NRG3: variants seen among roughly 807,000 people sequenced by gnomAD.
NRG3 encodes the protein neuregulin 3.
NRG3 carries 31 observed loss-of-function variants against 66.9 expected under a neutral mutation model. The observed-to-expected ratio is 0.46, with a 90% CI of 0.35 to 0.63. The LOEUF is 0.63. Among genes scored for constraint, NRG3 ranks in the 20% least tolerant of loss-of-function variants. The probability of loss-of-function intolerance (pLI) is 0.00; values close to 1 mark genes in which losing one functional copy is unlikely to be tolerated. For missense variants in NRG3, 910 were observed against 878.9 expected (o/e 1.04, Z -0.45); for synonymous variants, 393 against 359.4 (o/e 1.09, Z -1.06).
chr10:82,588,557 C>G (rs571535296), intron 2 of NRG3, among the ~76,000 whole-genome samples: 1 of 151,950 alleles, frequency 6.6e-6, no homozygotes. Flanking sequence ...GGCTGGAGTG[C>G]AGTGGGACAA....
At chr10:82,570,033 T>A (rs2133104033) in intron 2 of NRG3, among the ~76,000 whole-genome samples, 1 of 151,774 alleles carries the variant, frequency 6.6e-6, no homozygotes, top group African/African-American at 2.4e-5. Context: ...ATGCCAAAAG[T>A]ACTGACATGC....
intron 2 of NRG3, among the ~76,000 whole-genome samples, chr10:82,545,634 G>A (rs1590605275): frequency 2.0e-5 from 3 of 151,842 alleles, no homozygotes; most frequent in Non-Finnish European, 2.9e-5. Context: ...GCCCGCCTCG[G>A]CCTCCCAAAG....
intron 1 of NRG3, chr10:82,340,901 T>C (rs11193827): frequency 6.6e-6 from 1 of 151,666 alleles, no homozygotes; most frequent in Non-Finnish European, 1.5e-5. Flanking sequence ...CAAAAAAAAA[T>C]TAGAAAATGT....
chr10:82,263,808 A>G (rs949497724), intron 1 of NRG3, among the ~76,000 whole-genome samples: 4 of 152,196 alleles, frequency 2.6e-5, no homozygotes, highest in Non-Finnish European at 5.9e-5. Flanking sequence ...TACAGATAAC[A>G]CCAAAATTTT....
intron 4 of NRG3, among the ~76,000 whole-genome samples, chr10:82,917,992 ATGTATGTATGTATCTCTCTC>A (rs1564629570): frequency 4.8e-5 from 5 of 103,782 alleles, no homozygotes; most frequent in East Asian, 4.4e-4. Flanking sequence ...ATATATATAT[ATGTATGTATGTATCTCTCTC>A]TATATATATA....
chr10:82,776,855 C>T (rs2132376), intron 3 of NRG3, among the ~76,000 whole-genome samples: 67,119 of 151,684 alleles, frequency 0.44, 16,299 homozygotes, highest in African/African-American at 0.65. Context: ...CTATCTGTAT[C>T]CTCTTGTATA....
chr10:82,198,869 CAT>C (rs2074598710), intron 1 of NRG3, among the ~76,000 whole-genome samples: 6 of 151,708 alleles, frequency 4.0e-5, no homozygotes, highest in Non-Finnish European at 8.8e-5. Flanking sequence ...TGGTGGCACA[CAT>C]CTGTAATCCC....
chr10:82,166,360 A>G (rs2072061943), intron 1 of NRG3, among the ~76,000 whole-genome samples: 1 of 151,964 alleles, frequency 6.6e-6, no homozygotes, highest in Non-Finnish European at 1.5e-5. Flanking sequence ...TTCTTTGTTG[A>G]CCTATTAGCT....
At chr10:82,954,501 G>A (rs1849841000) in intron 5 of NRG3, among the ~76,000 whole-genome samples, 1 of 151,748 alleles carries the variant, frequency 6.6e-6, no homozygotes, top group African/African-American at 2.4e-5. Context: ...GCACCAAGCG[G>A]GACATTGTTA....
At chr10:82,044,140 A>G (rs867609833) in intron 1 of NRG3, among the ~76,000 whole-genome samples, 1 of 118,106 alleles carries the variant, frequency 8.5e-6, no homozygotes, top group Non-Finnish European at 1.8e-5. Context: ...ATGGTGAGCT[A>G]ACCGAGAGCT....
chr10:82,508,672 A>C (rs1299360084), intron 2 of NRG3, among the ~76,000 whole-genome samples: 1 of 152,190 alleles, frequency 6.6e-6, no homozygotes, highest in African/African-American at 2.4e-5. Flanking sequence ...TGCTGACTTG[A>C]ATTCAAAGCA....
intron 1 of NRG3, among the ~76,000 whole-genome samples, chr10:82,145,503 C>T (rs1161803627): frequency 1.3e-5 from 2 of 152,136 alleles, no homozygotes; most frequent in Non-Finnish European, 2.9e-5. Context: ...GACAAGGAGA[C>T]ATAGGTATTT....
At chr10:82,232,882 A>G in intron 1 of NRG3, 1 of 716,150 alleles carries the variant, frequency 1.4e-6, no homozygotes, top group Admixed American at 2.0e-5. Context: ...GGATAGGATG[A>G]ACAGTTTAGG....
chr10:82,217,566 G>C (rs1007356705), intron 1 of NRG3, among the ~76,000 whole-genome samples: 6 of 152,178 alleles, frequency 3.9e-5, no homozygotes, highest in Admixed American at 3.9e-4. Flanking sequence ...GCTTTTCCCA[G>C]CTGTAAAATG....
intron 2 of NRG3, among the ~76,000 whole-genome samples, chr10:82,363,622 A>AT (rs1189728937): frequency 6.6e-6 from 1 of 151,938 alleles, no homozygotes; most frequent in African/African-American, 2.4e-5. Context: ...CACCTGGCTG[A>AT]TTTTTTGTAG....
chr10:82,777,005 C>T (rs1170441680), intron 3 of NRG3, among the ~76,000 whole-genome samples: 2 of 151,936 alleles, frequency 1.3e-5, no homozygotes, highest in Non-Finnish European at 2.9e-5. Flanking sequence ...TCTTGTGTCC[C>T]TGTGTTGATA....
chr10:82,612,884 C>T lies in NRG3; in HGVS notation c.954-125693C>T, dbSNP rs896750063. Reference sequence around the variant, plus strand: ...CCTCCAAAGCCACTGCTTAGCATGGCTGGGTGTTACAGAAAATGCTGTGTG... The same window carrying T: ...CCTCCAAAGCCACTGCTTAGCATGGTTGGGTGTTACAGAAAATGCTGTGTG... On this transcript the variant is annotated intron_variant, in intron 2 of 8. Coordinates refer to ENST00000372141, the MANE Select transcript of NRG3 (RefSeq NM_001010848.4). Among the ~76,000 whole-genome samples the T allele has an allele frequency of 1.1e-4, 16 of 152,274 alleles. No individual in the cohort carries two copies. The South Asian group carries it at 2.9e-3, about 28-fold the overall frequency.
intron 5 of NRG3, among the ~76,000 whole-genome samples, chr10:82,957,887 G>GGT (rs1196369597): frequency 1.9e-5 from 2 of 103,880 alleles, no homozygotes; most frequent in Non-Finnish European, 3.8e-5. Context: ...ACTGCAAAGA[G>GGT]GTGTGCGTGT....
chr10:82,159,476 G>A (rs995253423), intron 1 of NRG3, among the ~76,000 whole-genome samples: 2 of 151,776 alleles, frequency 1.3e-5, no homozygotes, highest in Non-Finnish European at 1.5e-5. Flanking sequence ...ATTTCATTCC[G>A]GAATCAGTTT....
Sources: allele counts gnomAD v4.1 joint callset (sites outside exome capture counted in the v4.1 genomes callset), GRCh38; gene constraint gnomAD v4.1.1; transcripts MANE v1.5; gene names NCBI Gene and HGNC (gene_info 2026-07-23, HGNC 2026-07-21).